Variants in TFAP2A observed in about 807,000 individuals in gnomAD.
The protein encoded by TFAP2A is transcription factor AP-2-alpha.
TFAP2A carries 7 observed loss-of-function variants against 41.5 expected under a neutral mutation model. The observed-to-expected ratio is 0.17, with a 90% CI of 0.10 to 0.32. The LOEUF (loss-of-function observed/expected upper bound fraction) is 0.32. Among genes scored for constraint, TFAP2A ranks in the 10% least tolerant of loss-of-function variants. TFAP2A has a pLI of 1.00. For missense variants in TFAP2A, 416 were observed against 563.3 expected (o/e 0.74, Z 2.65); for synonymous variants, 247 against 242.8 (o/e 1.02, Z -0.16).
At position 10,397,768 on chromosome 6, in the gene TFAP2A, G is replaced by A; in HGVS notation, c.*649C>T. On this transcript the variant is annotated 3_prime_UTR_variant, in exon 7 of 7. Coordinates refer to ENST00000379613, the MANE Select transcript of TFAP2A (RefSeq NM_001372066.1). Reference sequence around the variant, plus strand: ...AACACTGATTCCCTTATATAACTGCGAATCGTGTTGCCAGAGAAAGTTCAA... The same window carrying A: ...AACACTGATTCCCTTATATAACTGCAAATCGTGTTGCCAGAGAAAGTTCAA... 1.4e-6 allele frequency: 1 copy of A among 730,972 alleles called. No individual in the cohort carries two copies. The highest frequency in any genetic ancestry group is 6.2e-5 in the South Asian group (1 of 16,172). The allele number at this position is 730,972 out of a possible 1,614,324, so 45.3% of individuals were successfully genotyped here.
rs1699367600 is a variant in TFAP2A, at chr6:10,397,244, G to A, written c.*1173C>T. The A allele has an allele frequency of 6.6e-6, 1 of 151,380 alleles. No individual in the cohort carries two copies. The highest frequency in any genetic ancestry group is 1.5e-5 in the Non-Finnish European group (1 of 67,860). The allele number at this position is 151,380 out of a possible 1,614,324, so 9.4% of individuals were successfully genotyped here. A position where few individuals can be genotyped will look rare whatever the true frequency, so the allele number is the denominator to read the frequency against. On this transcript the variant is annotated 3_prime_UTR_variant, in exon 7 of 7. Coordinates refer to ENST00000379613, the MANE Select transcript of TFAP2A (RefSeq NM_001372066.1). ...AGAGAGAGGAGAGAGAGAGAGAGAG[G>A]AAAATTCCCTAACCCTTGGTTTAAA...
Position 10,398,821 on chromosome 6 carries a change from G to T in TFAP2A, c.1032-116C>A. On this transcript the variant is annotated intron_variant, in intron 6 of 6. Transcript: ENST00000379613. The surrounding 1 kb of genome is among the most constrained non-coding windows in gnomAD (Gnocchi z 5.3). The stretch of plus-strand genomic sequence containing the variant: ...CTCTGCCGGGATCCAGCCGGTACCT[G>T]ACATGACCCAAGACCCCAGAGACAG... The T allele has an allele frequency of 7.9e-7, 1 of 1,262,646 alleles. No individual in the cohort carries two copies. Among genetic ancestry groups the T allele is most frequent in the Non-Finnish European group, 1.1e-6 (1 of 912,226 alleles). 78.2% of individuals were successfully genotyped at this position (1,262,646 alleles called of 1,614,324 possible). A position where few individuals can be genotyped will look rare whatever the true frequency, so the allele number is the denominator to read the frequency against.
rs771617050 is a variant in TFAP2A, at chr6:10,400,549, G to A, written c.930C>T (p.Cys310=). The A allele has an allele frequency of 3.3e-5, 53 of 1,613,978 alleles. No individual in the cohort carries two copies. Among genetic ancestry groups the A allele is most frequent in the East Asian group, 2.7e-4 (12 of 44,892 alleles). ...CTGCTTTGGCAGGAAATTCGGTTTC[G>A]CACACGTACCCAAAGTCCCTGGCTA... ...VHLARDFGYV[C]ETEFPAKAVA... The change falls in exon 6 of 7, where the codon TGC becomes TGT. Residue 310 remains cysteine, a synonymous_variant. Coordinates refer to ENST00000379613, the MANE Select transcript of TFAP2A (RefSeq NM_001372066.1).
At chr6:10,401,078 T>C (rs1296327388) in intron 5 of TFAP2A, among the ~76,000 whole-genome samples, 6 of 152,250 alleles carry the variant, frequency 3.9e-5, no homozygotes, top group Non-Finnish European at 7.3e-5. Flanking sequence ...GTCTGTGTTG[T>C]TGATTTTCGA....
At position 10,410,151 on chromosome 6, in the gene TFAP2A, T is replaced by C. The variant is rs1757894792; in HGVS notation, c.236A>G (p.Asn79Ser). The change falls in exon 2 of 7, where the codon AAC becomes AGC. Residue 79 changes from asparagine (N) to serine (S), a missense_variant. Asn to Ser is a conservative substitution (Grantham distance 46, BLOSUM62 1). Transcript: ENST00000379613. ...PQSQDPYSHVNDPYSLNPLHA... is the reference protein window; with the variant it reads ...PQSQDPYSHVSDPYSLNPLHA... ...CAGGGGGTTCAGGCTGTAGGGGTCG[T>C]TGACGTGGGAGTAAGGATCTTGCGA... is the stretch of plus-strand genomic sequence containing the variant. The C allele has an allele frequency of 6.3e-7, 1 of 1,581,604 alleles. No homozygotes were observed. Among genetic ancestry groups the C allele is most frequent in the Non-Finnish European group, 8.6e-7 (1 of 1,163,540 alleles).
rs953677570 is a variant in TFAP2A, at chr6:10,404,803, C to A, written c.539-64G>T. 5.9e-5 allele frequency: 87 copies of A among 1,473,410 alleles called. 1 individual carries two copies. Among genetic ancestry groups the A allele is most frequent in the Non-Finnish European group, 8.1e-5 (86 of 1,056,730 alleles). 91.3% of individuals were successfully genotyped at this position (1,473,410 alleles called of 1,614,324 possible). On this transcript the variant is annotated intron_variant, in intron 3 of 6. Transcript: ENST00000379613. Reference sequence around the variant, plus strand: ...GGATCACCCCCAAATCCTGCCCGACCCCGGCCCTCATCCCGGCCAGGGCCG... The same window carrying A: ...GGATCACCCCCAAATCCTGCCCGACACCGGCCCTCATCCCGGCCAGGGCCG...
chr6:10,409,842 T>C (rs1019629363), intron 2 of TFAP2A, 59 bp downstream of exon 2: 71 of 1,532,312 alleles, frequency 4.6e-5, no homozygotes, highest in Non-Finnish European at 5.8e-5. Flanking sequence ...AGGTATCCTT[T>C]CTGGGGTAGG....
At chr6:10,415,537 C>G (rs1758211422), upstream of TFAP2A, 5 of 222,228 alleles carry the variant, frequency 2.2e-5, no homozygotes, top group South Asian at 2.2e-4. Flanking sequence ...TTCTCCGCTT[C>G]CTTTTCTCCA....
Position 10,397,827 on chromosome 6 carries a change from T to C in TFAP2A, c.*590A>G, listed in dbSNP as rs1031619666. 2 of 986,182 alleles carry C rather than the reference T, an allele frequency of 2.0e-6. No homozygotes were observed. The highest frequency in any genetic ancestry group is 3.5e-5 in the African/African-American group (2 of 57,176). The allele number at this position is 986,182 out of a possible 1,614,324, so 61.1% of individuals were successfully genotyped here. A position where few individuals can be genotyped will look rare whatever the true frequency, so the allele number is the denominator to read the frequency against. On this transcript the variant is annotated 3_prime_UTR_variant, in exon 7 of 7. Transcript: ENST00000379613. ...CTTTACCTTAAAGAGGAAAAACTTC[T>C]ACAACTGAAGACATGACATGGAACT...
intron 6 of TFAP2A, among the ~76,000 whole-genome samples, chr6:10,400,214 TAAA>T (rs34587962): frequency 2.2e-5 from 3 of 134,962 alleles, no homozygotes; most frequent in Non-Finnish European, 1.6e-5. Context: ...ACACACTCAT[TAAA>T]AAAAAAAAAA....
Position 10,410,008 on chromosome 6 carries a change from T to G in TFAP2A, c.379A>C (p.Arg127=). The G allele has an allele frequency of 6.2e-7, 1 of 1,611,664 alleles. No individual in the cohort carries two copies. Among genetic ancestry groups the G allele is most frequent in the African/African-American group, 1.3e-5 (1 of 74,926 alleles). ...PHQLSGLDPR[R]DYRRHEDLLH... ...AGGTCCTCGTGCCGCCTGTAGTCCC[T>G]GCGAGGATCCAGGCCCGACAGCTGG... The change falls in exon 2 of 7, where the codon AGG becomes CGG. Residue 127 remains arginine, a synonymous_variant. Transcript: ENST00000379613.
At chr6:10,399,488 C>A (rs1055331431) in intron 6 of TFAP2A, among the ~76,000 whole-genome samples, 4 of 152,196 alleles carry the variant, frequency 2.6e-5, no homozygotes, top group African/African-American at 7.2e-5. Context: ...GTAGATGAGG[C>A]CTGCACTCAG....
In TFAP2A at chr6:10,404,807, G is replaced by A; in HGVS notation, c.539-68C>T. Reference sequence around the variant, plus strand: ...CACCCCCAAATCCTGCCCGACCCCGGCCCTCATCCCGGCCAGGGCCGGATC... The same window carrying A: ...CACCCCCAAATCCTGCCCGACCCCGACCCTCATCCCGGCCAGGGCCGGATC... On this transcript the variant is annotated intron_variant, in intron 3 of 6. Coordinates refer to ENST00000379613, the MANE Select transcript of TFAP2A (RefSeq NM_001372066.1). 2.1e-6 allele frequency: 3 copies of A among 1,445,228 alleles called. No homozygotes were observed. In the East Asian group the frequency reaches 6.9e-5, roughly 33 times the overall value. 89.5% of individuals were successfully genotyped at this position (1,445,228 alleles called of 1,614,324 possible). A position where few individuals can be genotyped will look rare whatever the true frequency, so the allele number is the denominator to read the frequency against.
At position 10,402,520 on chromosome 6, in the gene TFAP2A, G is replaced by A. The variant is rs777278396; in HGVS notation, c.861C>T (p.Asn287=). The change falls in exon 5 of 7, where the codon AAC becomes AAT. Residue 287 remains asparagine (N), a synonymous_variant. Coordinates refer to ENST00000379613, the MANE Select transcript of TFAP2A (RefSeq NM_001372066.1). The stretch of plus-strand genomic sequence containing the variant: ...CTACTAGTGATGTGAGCAGGGTAAC[G>A]TTGGCAGCTTTACGTCTCCCTGCAG... The part of the protein sequence containing the change: ...NLPAGRRKAA[N]VTLLTSLVEG... 37 of 1,614,072 alleles carry A rather than the reference G, an allele frequency of 2.3e-5. No homozygotes were observed. The highest frequency in any genetic ancestry group is 3.0e-5 in the Non-Finnish European group (35 of 1,179,910).
In TFAP2A at chr6:10,397,448, A is replaced by G. The variant is rs1422692618; in HGVS notation, c.*969T>C. The G allele has an allele frequency of 6.6e-6, 1 of 152,158 alleles. No individual in the cohort carries two copies. The highest frequency in any genetic ancestry group is 2.4e-5 in the African/African-American group (1 of 41,434). 9.4% of individuals were successfully genotyped at this position (152,158 alleles called of 1,614,324 possible). On this transcript the variant is annotated 3_prime_UTR_variant, in exon 7 of 7. Coordinates refer to ENST00000379613, the MANE Select transcript of TFAP2A (RefSeq NM_001372066.1). ...GTTCAATGAAAAGCTAAATGTAATAATACTAATTATAGATAAAATTTTATT... is the reference window on the plus strand; with the variant it reads ...GTTCAATGAAAAGCTAAATGTAATAGTACTAATTATAGATAAAATTTTATT...
At position 10,412,009 on chromosome 6, in the gene TFAP2A, C is replaced by T. The variant is rs536291631; in HGVS notation, c.52-1674G>A. ...CTAATAACCGCGCTGGGCAGCGTTC[C>T]TGGAGCCTCCTAATAGCAGATATTC... On this transcript the variant is annotated intron_variant, in intron 1 of 6. Transcript: ENST00000379613. 4.2e-5 allele frequency: 45 copies of T among 1,073,792 alleles called. No homozygotes were observed. In the East Asian group the frequency reaches 3.2e-3, roughly 76 times the overall value. The allele number at this position is 1,073,792 out of a possible 1,614,324, so 66.5% of individuals were successfully genotyped here.
intron 4 of TFAP2A, among the ~76,000 whole-genome samples, chr6:10,404,153 T>C (rs952696913): frequency 2.6e-5 from 4 of 152,234 alleles, no homozygotes; most frequent in Non-Finnish European, 5.9e-5. Flanking sequence ...AAGGTGGCTG[T>C]ACGGCGCCCC....
chr6:10,419,238 T>C (rs547658979), upstream of TFAP2A, among the ~76,000 whole-genome samples: 4 of 152,278 alleles, frequency 2.6e-5, no homozygotes, highest in African/African-American at 9.6e-5. Flanking sequence ...AGTCGCTGCC[T>C]GCGCCCGTTT....
chr6:10,415,202 G>C (rs1265950691), upstream of TFAP2A: 11 of 1,482,760 alleles, frequency 7.4e-6, no homozygotes, highest in Middle Eastern at 2.3e-4. Context: ...GCGAGGAGAA[G>C]GGCGAGGAGG....
Sources: gnomAD v4.1 joint callset for allele counts (sites outside exome capture counted in the v4.1 genomes callset) on GRCh38, gnomAD v4.1.1 for gene constraint, Gnocchi (gnomAD v3.1) non-coding constraint, MANE v1.5 for transcripts, NCBI Gene and HGNC (gene_info 2026-07-23, HGNC 2026-07-21) for gene names.